RELN: variants seen among roughly 807,000 people sequenced by gnomAD.
RELN encodes the protein reelin.
In RELN, 108 loss-of-function variants were observed where a neutral mutation model predicts 427.6. The ratio of observed to expected loss-of-function variants is 0.25; its 90% confidence interval spans 0.22 to 0.30. The LOEUF is 0.30. RELN is among the 10% of genes least tolerant of loss of function. RELN has a pLI of 1.00. For synonymous variants in RELN, 1,524 were observed against 1,513.4 expected (o/e 1.01, Z -0.16); for missense variants, 3,715 against 4,302.8 (o/e 0.86, Z 3.82).
chr7:103,913,342 G>A (rs1783051683), intron 2 of RELN, among the ~76,000 whole-genome samples: 1 of 152,114 alleles, frequency 6.6e-6, no homozygotes, highest in Non-Finnish European at 1.5e-5. Flanking sequence ...CTTACTAAAT[G>A]CTTTACTCTG....
At chr7:103,963,131 C>CTTTTT (rs767207596) in intron 1 of RELN, among the ~76,000 whole-genome samples, 18 of 53,758 alleles carry the variant, frequency 3.3e-4, no homozygotes, top group Middle Eastern at 0.012. Context: ...CTCTTTTCGC[C>CTTTTT]TTCTTTTTTT....
intron 2 of RELN, among the ~76,000 whole-genome samples, chr7:103,878,695 G>T (rs1232944523): frequency 1.3e-5 from 2 of 152,146 alleles, no homozygotes; most frequent in African/African-American, 2.4e-5. Flanking sequence ...TACCCAGGAT[G>T]GGGGGCAGGA....
chr7:103,924,897 C>A (rs1795691792), intron 1 of RELN, among the ~76,000 whole-genome samples: 1 of 151,794 alleles, frequency 6.6e-6, no homozygotes, highest in Non-Finnish European at 1.5e-5. Flanking sequence ...CCTACTCAAT[C>A]CCTCTACATT....
intron 4 of RELN, among the ~76,000 whole-genome samples, chr7:103,766,954 C>T (rs755999902): frequency 2.6e-5 from 4 of 152,210 alleles, no homozygotes; most frequent in East Asian, 3.8e-4. Flanking sequence ...ATAAATGGCA[C>T]GTGCCCTTTG....
intron 43 of RELN, among the ~76,000 whole-genome samples, chr7:103,541,877 CTG>C (rs958811078): frequency 1.3e-5 from 2 of 152,060 alleles, no homozygotes; most frequent in African/African-American, 4.8e-5. Flanking sequence ...TTTCACAGAA[CTG>C]TATTTTCTAT....
chr7:103,533,422 T>C (rs1419374185), intron 46 of RELN, among the ~76,000 whole-genome samples: 2 of 152,134 alleles, frequency 1.3e-5, no homozygotes, highest in Non-Finnish European at 1.5e-5. Context: ...GTAGTGTAGA[T>C]ATGTTTACTC....
chr7:103,849,245 G>T (rs1212792739), intron 2 of RELN, among the ~76,000 whole-genome samples: 1 of 152,146 alleles, frequency 6.6e-6, no homozygotes, highest in Non-Finnish European at 1.5e-5. Flanking sequence ...AATCAACAAG[G>T]AGTCATTATT....
intron 50 of RELN, chr7:103,513,183 A>G (rs1395091876): frequency 6.6e-6 from 1 of 152,162 alleles, no homozygotes; most frequent in Non-Finnish European, 1.5e-5. Flanking sequence ...AATCCTGATG[A>G]AAGAGGGCTT....
chr7:103,558,321 T>C (rs1214946732), intron 36 of RELN, among the ~76,000 whole-genome samples: 4 of 152,212 alleles, frequency 2.6e-5, no homozygotes, highest in African/African-American at 9.6e-5. Flanking sequence ...GCAAAAATGA[T>C]AGCATTACAT....
At chr7:103,710,373 CG>C (rs1789764322) in intron 8 of RELN, among the ~76,000 whole-genome samples, 1 of 152,136 alleles carries the variant, frequency 6.6e-6, no homozygotes, top group Admixed American at 6.5e-5. Flanking sequence ...GATACAGCTA[CG>C]TAGTTTACTT....
intron 8 of RELN, among the ~76,000 whole-genome samples, chr7:103,710,870 C>A (rs890532640): frequency 1.2e-4 from 19 of 152,226 alleles, no homozygotes; most frequent in African/African-American, 4.3e-4. Flanking sequence ...ATGGTGAAAC[C>A]CCGTCTCAAC....
chr7:103,653,001 G>C (rs1832955125), intron 13 of RELN, among the ~76,000 whole-genome samples: 2 of 151,960 alleles, frequency 1.3e-5, no homozygotes, highest in Admixed American at 6.6e-5. Context: ...GTTTGATCAG[G>C]CTCTCCCTAA....
chr7:103,502,933 T>C, intron 52 of RELN, 83 bp downstream of exon 52: 1 of 1,157,038 alleles, frequency 8.6e-7, no homozygotes, highest in South Asian at 1.3e-5. Context: ...CAAATACACA[T>C]AATTTCAGGC....
intron 2 of RELN, among the ~76,000 whole-genome samples, chr7:103,878,029 G>A (rs1224526922): frequency 2.0e-5 from 3 of 151,936 alleles, no homozygotes; most frequent in African/African-American, 7.3e-5. Flanking sequence ...CTAATATTTT[G>A]TATTTTTAGT....
At chr7:103,516,378 T>C (rs1296633221) in intron 49 of RELN, among the ~76,000 whole-genome samples, 2 of 151,022 alleles carry the variant, frequency 1.3e-5, no homozygotes, top group African/African-American at 4.9e-5. Flanking sequence ...CTCCGCCTCC[T>C]GGGTGCAAGC....
At chr7:103,636,023 C>A (rs1364898244) in intron 18 of RELN, among the ~76,000 whole-genome samples, 2 of 152,092 alleles carry the variant, frequency 1.3e-5, no homozygotes, top group Non-Finnish European at 2.9e-5. Context: ...TTTAAAAAAC[C>A]TAGTCAGTCA....
chr7:103,977,637 G>C (rs992450045), intron 1 of RELN, among the ~76,000 whole-genome samples: 1 of 152,128 alleles, frequency 6.6e-6, no homozygotes, highest in South Asian at 2.1e-4. Context: ...TGTGAGACCA[G>C]AAAAGCCTCC....
intron 40 of RELN, among the ~76,000 whole-genome samples, chr7:103,552,051 G>C (rs916332091): frequency 6.6e-6 from 1 of 151,724 alleles, no homozygotes; most frequent in Admixed American, 6.6e-5. Flanking sequence ...ATCTCTAGAC[G>C]TACTCATCCT....
chr7:103,957,698 C>T (rs1292871170), intron 1 of RELN, among the ~76,000 whole-genome samples: 2 of 152,142 alleles, frequency 1.3e-5, no homozygotes, highest in Non-Finnish European at 2.9e-5. Context: ...TTTCAATGTA[C>T]CTGTATTCAT....
Sources: gnomAD v4.1 joint callset for allele counts (sites outside exome capture counted in the v4.1 genomes callset) on GRCh38, gnomAD v4.1.1 for gene constraint, MANE v1.5 for transcripts, NCBI Gene and HGNC (gene_info 2026-07-23, HGNC 2026-07-21) for gene names.